MARCHF7: variants seen among roughly 807,000 people sequenced by gnomAD.
The protein encoded by MARCHF7 is E3 ubiquitin-protein ligase MARCHF7.
Under a neutral mutation model 76.5 loss-of-function variants are expected in MARCHF7, and 20 were observed. The ratio of observed to expected loss-of-function variants is 0.26; its 90% CI spans 0.18 to 0.38. MARCHF7 has a LOEUF of 0.38. MARCHF7 is among the 10% of genes least tolerant of loss of function. MARCHF7 has a pLI of 1.00. For synonymous variants in MARCHF7, 295 were observed against 293.0 expected (o/e 1.01, Z -0.07); for missense variants, 797 against 812.9 (o/e 0.98, Z 0.24).
At chr2:159,745,594 T>G (rs555220588) in intron 5 of MARCHF7, among the ~76,000 whole-genome samples, 176 bp from the exon 6 acceptor site, 4 of 152,186 alleles carry the variant, frequency 2.6e-5, no homozygotes, top group African/African-American at 9.7e-5. Flanking sequence ...AGGTGGAGGT[T>G]GCTGTGAGCT....
At chr2:159,752,032 A>G (rs1486598648) in intron 7 of MARCHF7, among the ~76,000 whole-genome samples, 3 of 152,198 alleles carry the variant, frequency 2.0e-5, no homozygotes, top group Non-Finnish European at 2.9e-5. Flanking sequence ...GTAGTCTGGA[A>G]TACTACAGAA....
intron 7 of MARCHF7, among the ~76,000 whole-genome samples, chr2:159,750,231 A>T (rs779473864): frequency 2.6e-5 from 4 of 152,206 alleles, no homozygotes; most frequent in Non-Finnish European, 4.4e-5. Context: ...AGTATTTAAC[A>T]GAGATACCAG....
At chr2:159,744,457 T>G (rs1208103836) in intron 5 of MARCHF7, among the ~76,000 whole-genome samples, 1 of 152,208 alleles carries the variant, frequency 6.6e-6, no homozygotes, top group East Asian at 1.9e-4. Flanking sequence ...GTTGAAAAGA[T>G]CTTTTGTTGA....
At chr2:159,742,936 C>CAAA in intron 4 of MARCHF7, 125 bp from the exon 5 acceptor site, 4 of 765,660 alleles carry the variant, frequency 5.2e-6, no homozygotes, top group Non-Finnish European at 8.0e-6. Context: ...GACTCAGTCT[C>CAAA]AAAAAAAAAA....
At chr2:159,757,653 A>T in intron 8 of MARCHF7, among the ~76,000 whole-genome samples, 1 of 152,196 alleles carries the variant, frequency 6.6e-6, no homozygotes, top group African/African-American at 2.4e-5. Flanking sequence ...CAGAAAAAAC[A>T]TGTAGAAATA....
intron 4 of MARCHF7, among the ~76,000 whole-genome samples, chr2:159,730,136 A>C (rs1442195198): frequency 6.6e-6 from 1 of 152,172 alleles, no homozygotes; most frequent in African/African-American, 2.4e-5. Flanking sequence ...CTCTGGCTCA[A>C]ATGACTCTCC....
At chr2:159,735,596 T>G (rs1703354734) in intron 4 of MARCHF7, among the ~76,000 whole-genome samples, 1 of 152,204 alleles carries the variant, frequency 6.6e-6, no homozygotes, top group Non-Finnish European at 1.5e-5. Flanking sequence ...TAGTCTTTTG[T>G]TAGTAGCTTC....
At chr2:159,737,015 A>G (rs115200150) in intron 4 of MARCHF7, among the ~76,000 whole-genome samples, 2,466 of 152,266 alleles carry the variant, frequency 0.016, 27 homozygotes, top group South Asian at 0.044. Context: ...GATGAAAACT[A>G]TTTACTCTGG....
chr2:159,736,388 T>C (rs985906219), intron 4 of MARCHF7, among the ~76,000 whole-genome samples: 17 of 152,258 alleles, frequency 1.1e-4, no homozygotes, highest in Non-Finnish European at 2.9e-5. Flanking sequence ...CATCTTTTCA[T>C]GTGCTAATTG....
At chr2:159,766,933 G>A (rs957673599) in intron 11 of MARCHF7, among the ~76,000 whole-genome samples, 3 of 152,146 alleles carry the variant, frequency 2.0e-5, no homozygotes, top group Non-Finnish European at 4.4e-5. Context: ...GAGAGCACTT[G>A]CCTTAAGTTG....
chr2:159,748,487 T>C lies in MARCHF7; in HGVS notation c.1197T>C (p.Ser399=). The C allele has an allele frequency of 1.2e-6, 2 of 1,614,108 alleles. No homozygotes were observed. Among genetic ancestry groups the C allele is most frequent in the Non-Finnish European group, 1.7e-6 (2 of 1,179,980 alleles). The change falls in exon 7 of 12, where the codon TCT becomes TCC. Residue 399 remains serine (S), a synonymous_variant. Coordinates refer to ENST00000409175, the MANE Select transcript of MARCHF7 (RefSeq NM_001282805.2). The part of the protein sequence containing the change: ...SLRNRCTPLF[S]RRRREGRDES... ...GAAATAGATGCACACCTTTGTTCTC[T>C]AGAAGGAGGCGAGAGGGAAGAGATG...
chr2:159,743,035 T>C, intron 4 of MARCHF7, 26 bp from the exon 5 acceptor site: 1 of 1,595,314 alleles, frequency 6.3e-7, no homozygotes, highest in East Asian at 2.2e-5. Flanking sequence ...CCTTTTGTTG[T>C]TTAAAAAATT....
In MARCHF7 at chr2:159,770,622, T is replaced by TG. The variant is rs1708114431; in HGVS notation, c.*3282dup. ...CTAGACAGTATACTTCAGTCAGTAA[T>TG]GGACCACATATAGAACAGTGTTTCC... is the stretch of plus-strand genomic sequence containing the variant. On this transcript the variant is annotated 3_prime_UTR_variant, in exon 12 of 12. Transcript: ENST00000409175. 1 of 152,196 alleles carries TG rather than the reference T, an allele frequency of 6.6e-6. No homozygotes were observed. The highest frequency in any genetic ancestry group is 2.4e-5 in the African/African-American group (1 of 41,462). The allele number at this position is 152,196 out of a possible 1,614,324, so 9.4% of individuals were successfully genotyped here.
rs376007551 is a variant in MARCHF7 at position 159,748,230 on chromosome 2, T to G, written c.940T>G (p.Ser314Ala). The part of the protein sequence containing the change: ...LNTRSLNSEN[S>A]YVSPRILTAS... ...TACAAGATCATTGAATTCTGAAAAT[T>G]CTTACGTTTCTCCAAGAATCTTGAC... Residue 314 changes from serine to alanine, a missense_variant, in exon 7 of 12, where the codon TCT becomes GCT. Around this residue, in one of 3 missense-constraint regions of MARCHF7, gnomAD observed 643 missense variants for 631.5 expected, o/e 1.02. Transcript: ENST00000409175. 1.5e-5 allele frequency: 24 copies of G among 1,613,938 alleles called. No individual in the cohort carries two copies. In the African/African-American group the frequency reaches 3.1e-4, roughly 21 times the overall value.
At chr2:159,715,922 C>T (rs1313566401) in intron 3 of MARCHF7, among the ~76,000 whole-genome samples, 156 bp downstream of exon 3, 1 of 152,012 alleles carries the variant, frequency 6.6e-6, no homozygotes, top group African/African-American at 2.4e-5. Flanking sequence ...TAGAAAGAAC[C>T]CTAAAATGGT....
intron 4 of MARCHF7, among the ~76,000 whole-genome samples, chr2:159,741,850 GTC>G (rs1344588112): frequency 1.3e-5 from 2 of 152,004 alleles, no homozygotes; most frequent in African/African-American, 2.4e-5. Context: ...GGTCCTTACT[GTC>G]TCTGAGCCAT....
intron 3 of MARCHF7, among the ~76,000 whole-genome samples, chr2:159,727,936 T>A (rs1702362125): frequency 6.6e-6 from 1 of 152,228 alleles, no homozygotes; most frequent in Non-Finnish European, 1.5e-5. Flanking sequence ...ATCTATAAAG[T>A]GGAAAGCACT....
chr2:159,743,043 A>T lies in MARCHF7; in HGVS notation c.154-18A>T, dbSNP rs901185480. On this transcript the variant is annotated intron_variant, in intron 4 of 11. Transcript: ENST00000409175. ...AATGCAGCCTTTTGTTGTTTAAAAA[A>T]TTTTTTTGAACTCACAGTCTACATC... 8.1e-6 allele frequency: 13 copies of T among 1,597,444 alleles called. No individual in the cohort carries two copies. The highest frequency in any genetic ancestry group is 1.3e-5 in the African/African-American group (1 of 74,102).
At chr2:159,746,020 G>A in intron 6 of MARCHF7, 83 bp downstream of exon 6, 1 of 1,056,420 alleles carries the variant, frequency 9.5e-7, no homozygotes, top group South Asian at 1.6e-5. Flanking sequence ...ACAGTACAAA[G>A]GAGTAAAGTG....
Sources: allele counts gnomAD v4.1 joint callset (sites outside exome capture counted in the v4.1 genomes callset), GRCh38; gene constraint gnomAD v4.1.1; regional missense constraint gnomAD v4.1.1; transcripts MANE v1.5; gene names NCBI Gene and HGNC (gene_info 2026-07-23, HGNC 2026-07-21).